PDE4B: variants seen among roughly 807,000 people sequenced by gnomAD.
The protein encoded by PDE4B is 3',5'-cyclic-AMP phosphodiesterase 4B.
In PDE4B, 20 loss-of-function variants were observed where a neutral mutation model predicts 82.2. The observed-to-expected ratio is 0.24, with a 90% CI of 0.17 to 0.35. The LOEUF (loss-of-function observed/expected upper bound fraction) is 0.35, where lower values mean the gene tolerates loss of function less well. PDE4B is among the 10% of genes least tolerant of loss of function. The pLI, the probability that PDE4B is intolerant of heterozygous loss-of-function variation, is 1.00. For missense variants in PDE4B, 655 were observed against 907.2 expected, an observed-to-expected ratio of 0.72 and a Z score of 3.57; for synonymous variants, 320 against 318.9, an observed-to-expected ratio of 1.00 and a Z score of -0.04.
At position 66,053,904 on chromosome 1, in the gene PDE4B, A is replaced by C. The variant is rs114948530; in HGVS notation, c.281+135069A>C. ...AATAAAAGGAATGGGATGCAGCCTAAGTAGGATGACCAACTATCCTGGTTT... is the reference window on the plus strand; with the variant it reads ...AATAAAAGGAATGGGATGCAGCCTACGTAGGATGACCAACTATCCTGGTTT... On this transcript the variant is annotated intron_variant, in intron 3 of 16. Coordinates refer to ENST00000341517, the MANE Select transcript of PDE4B (RefSeq NM_002600.4). Among the ~76,000 whole-genome samples the C allele has an allele frequency of 4.6e-3, 701 of 152,218 alleles. 7 individuals carry two copies. Among genetic ancestry groups the C allele is most frequent in the African/African-American group, 0.015 (642 of 41,542 alleles).
chr1:66,117,652 A>G (rs188523167), intron 3 of PDE4B, among the ~76,000 whole-genome samples: 1 of 151,976 alleles, frequency 6.6e-6, no homozygotes, highest in East Asian at 1.9e-4. Context: ...TGAGTACTCA[A>G]TTTTTCATTG....
intron 9 of PDE4B, among the ~76,000 whole-genome samples, chr1:66,361,241 G>A (rs966359147): frequency 3.3e-5 from 5 of 151,988 alleles, no homozygotes; most frequent in Non-Finnish European, 5.9e-5. Flanking sequence ...CTACATATAA[G>A]TATTAGTGCC....
At chr1:65,884,191 T>G (rs1229447182) in intron 1 of PDE4B, among the ~76,000 whole-genome samples, 3 of 152,192 alleles carry the variant, frequency 2.0e-5, no homozygotes, top group Non-Finnish European at 4.4e-5. Context: ...TAGGGAGGAT[T>G]CCCTCGTTTT....
At chr1:66,041,829 T>TACACACACACACACACATACAC in intron 3 of PDE4B, among the ~76,000 whole-genome samples, 1 of 145,710 alleles carries the variant, frequency 6.9e-6, no homozygotes, top group East Asian at 2.0e-4. Flanking sequence ...CACACACACA[T>TACACACACACACACACATACAC]ACACACACAC....
At chr1:66,078,776 C>G (rs1283933935) in intron 3 of PDE4B, among the ~76,000 whole-genome samples, 1 of 152,086 alleles carries the variant, frequency 6.6e-6, no homozygotes, top group Non-Finnish European at 1.5e-5. Context: ...TGCATCACAG[C>G]CTAGCACAAA....
Position 66,287,685 on chromosome 1 carries a change from T to C in PDE4B, c.634+21598T>C, listed in dbSNP as rs80002850. On this transcript the variant is annotated intron_variant, in intron 7 of 16. Transcript: ENST00000341517. ...ACACCAGCAAATAAGGACAATAATA[T>C]CGCCTACGTTTTAGGCTAGGCATAG... is the stretch of plus-strand genomic sequence containing the variant. Among the ~76,000 whole-genome samples, 501 of 152,214 alleles carry C rather than the reference T, an allele frequency of 3.3e-3. 21 individuals are homozygous for C. In the East Asian group the frequency reaches 0.088, roughly 27 times the overall value.
intron 3 of PDE4B, among the ~76,000 whole-genome samples, chr1:66,225,328 T>G (rs1651361743): frequency 6.6e-6 from 1 of 152,228 alleles, no homozygotes; most frequent in African/African-American, 2.4e-5. Context: ...ATTCTCAATA[T>G]TCTCACTTTT....
At chr1:65,894,570 A>G (rs1646888424) in intron 1 of PDE4B, among the ~76,000 whole-genome samples, 1 of 152,182 alleles carries the variant, frequency 6.6e-6, no homozygotes, top group Non-Finnish European at 1.5e-5. Flanking sequence ...CATTGTGCAG[A>G]AAATAAAACG....
At chr1:66,185,614 T>G (rs1281794421) in intron 3 of PDE4B, among the ~76,000 whole-genome samples, 1 of 152,230 alleles carries the variant, frequency 6.6e-6, no homozygotes, top group Non-Finnish European at 1.5e-5. Context: ...TTTTTTCATG[T>G]GTTTTTTGGC....
At chr1:66,268,351 A>C (rs1351085803) in intron 7 of PDE4B, among the ~76,000 whole-genome samples, 2 of 152,340 alleles carry the variant, frequency 1.3e-5, no homozygotes, top group Admixed American at 6.5e-5. Flanking sequence ...AAATGGATAC[A>C]TCAAAGGAAA....
chr1:66,131,592 G>GATATATATAT (rs71058452), intron 3 of PDE4B, among the ~76,000 whole-genome samples: 1,505 of 32,714 alleles, frequency 0.046, 408 homozygotes, highest in Middle Eastern at 0.083. Flanking sequence ...CTGAATGCCA[G>GATATATATAT]ATATATATAT....
At chr1:66,140,164 C>T (rs1391213614) in intron 3 of PDE4B, among the ~76,000 whole-genome samples, 2 of 151,992 alleles carry the variant, frequency 1.3e-5, no homozygotes, top group East Asian at 1.9e-4. Context: ...ACTGTTATCA[C>T]CCAATTAAAA....
intron 3 of PDE4B, among the ~76,000 whole-genome samples, chr1:66,118,732 C>A (rs1280134669): frequency 6.6e-6 from 1 of 151,940 alleles, no homozygotes; most frequent in Middle Eastern, 3.2e-3. Flanking sequence ...AAAACCAAAC[C>A]CTATTATTTC....
intron 3 of PDE4B, among the ~76,000 whole-genome samples, chr1:65,952,880 C>T (rs943131723): frequency 1.3e-5 from 2 of 152,056 alleles, no homozygotes; most frequent in African/African-American, 2.4e-5. Context: ...CTTAGCAAAA[C>T]GTCTGACTCA....
chr1:66,061,765 G>A (rs1442715211), intron 3 of PDE4B, among the ~76,000 whole-genome samples: 1 of 152,074 alleles, frequency 6.6e-6, no homozygotes, highest in Non-Finnish European at 1.5e-5. Context: ...AGTGGGTGGA[G>A]AGCAAGGGGA....
chr1:66,107,167 C>T (rs1055155472), intron 3 of PDE4B, among the ~76,000 whole-genome samples: 3 of 151,662 alleles, frequency 2.0e-5, no homozygotes, highest in African/African-American at 7.3e-5. Context: ...CAAAGAACAT[C>T]TGTATTTCTG....
At chr1:65,998,634 A>G (rs555202905) in intron 3 of PDE4B, among the ~76,000 whole-genome samples, 5 of 152,204 alleles carry the variant, frequency 3.3e-5, no homozygotes, top group South Asian at 2.1e-4. Context: ...ATGACTTAAC[A>G]AATTATGGTT....
intron 3 of PDE4B, among the ~76,000 whole-genome samples, chr1:66,064,674 T>C (rs937723898): frequency 6.6e-6 from 1 of 151,968 alleles, no homozygotes; most frequent in Admixed American, 6.6e-5. Flanking sequence ...CTGATACCTC[T>C]ATGGAAACTT....
intron 1 of PDE4B, among the ~76,000 whole-genome samples, chr1:65,842,263 TG>T (rs200146804): frequency 6.6e-6 from 1 of 151,802 alleles, no homozygotes. Flanking sequence ...ATTAAGAAAG[TG>T]GTTTTTTTTG....
Sources: allele counts gnomAD v4.1 joint callset (sites outside exome capture counted in the v4.1 genomes callset), GRCh38; gene constraint gnomAD v4.1.1; transcripts MANE v1.5; gene names NCBI Gene and HGNC (gene_info 2026-07-23, HGNC 2026-07-21).